PRKN: variants seen among roughly 807,000 people sequenced by gnomAD.
PRKN encodes E3 ubiquitin-protein ligase parkin.
PRKN carries 56 observed loss-of-function variants against 59.5 expected under a neutral mutation model. The ratio of observed to expected loss-of-function variants is 0.94; its 90% confidence interval spans 0.76 to 1.18. The LOEUF (loss-of-function observed/expected upper bound fraction) is 1.18, where lower values mean the gene tolerates loss of function less well. Among genes scored for constraint, PRKN ranks in the 50% most tolerant of loss-of-function variants. PRKN has a pLI of 0.00. For synonymous variants in PRKN, 250 were observed against 222.1 expected, an observed-to-expected ratio of 1.13 and a Z score of -1.12; for missense variants, 657 against 596.4, an observed-to-expected ratio of 1.10 and a Z score of -1.06.
chr6:162,110,288 A>T (rs2128301999), intron 4 of PRKN, among the ~76,000 whole-genome samples: 1 of 152,296 alleles, frequency 6.6e-6, no homozygotes, highest in African/African-American at 2.4e-5. Context: ...ATATTCTACC[A>T]TATAGTAAAA....
chr6:162,402,122 A>G (rs1048774741), intron 2 of PRKN, among the ~76,000 whole-genome samples: 2 of 151,908 alleles, frequency 1.3e-5, no homozygotes, highest in East Asian at 1.9e-4. Context: ...GGTGGCACAC[A>G]CCTGTAATTC....
chr6:162,428,755 C>A (rs1013783895), intron 2 of PRKN, among the ~76,000 whole-genome samples: 1 of 152,192 alleles, frequency 6.6e-6, no homozygotes, highest in Non-Finnish European at 1.5e-5. Context: ...AAGCCCCATG[C>A]TCCGTCCCCC....
chr6:162,218,060 C>T (rs1777770484), intron 3 of PRKN, among the ~76,000 whole-genome samples: 1 of 152,176 alleles, frequency 6.6e-6, no homozygotes, highest in South Asian at 2.1e-4. Context: ...ACAGGTCTGC[C>T]TTTCAGAGGA....
intron 7 of PRKN, among the ~76,000 whole-genome samples, chr6:161,684,388 A>G (rs987306184): frequency 2.6e-5 from 4 of 152,084 alleles, no homozygotes; most frequent in Non-Finnish European, 4.4e-5. Flanking sequence ...GCCCAATCTC[A>G]AAAAAATATT....
intron 1 of PRKN, among the ~76,000 whole-genome samples, chr6:162,491,532 T>G: frequency 6.6e-6 from 1 of 152,178 alleles, no homozygotes; most frequent in Non-Finnish European, 1.5e-5. Flanking sequence ...TGACTGCAGT[T>G]GCCGTGCCTC....
chr6:161,963,157 A>AAAACAAAC (rs113748000), intron 6 of PRKN, among the ~76,000 whole-genome samples: 1 of 151,802 alleles, frequency 6.6e-6, no homozygotes, highest in African/African-American at 2.4e-5. Flanking sequence ...TCTCAAAACA[A>AAAACAAAC]AAACAAACAA....
At chr6:161,557,076 A>G (rs138557545) in intron 8 of PRKN, among the ~76,000 whole-genome samples, 70 of 152,322 alleles carry the variant, frequency 4.6e-4, no homozygotes, top group Non-Finnish European at 8.5e-4. Context: ...AAAGAATACT[A>G]CTCTGAACCT....
chr6:161,979,813 T>G (rs1000581757), intron 5 of PRKN, among the ~76,000 whole-genome samples: 1 of 152,102 alleles, frequency 6.6e-6, no homozygotes, highest in South Asian at 2.1e-4. Context: ...CAGGAAGATG[T>G]CAACTGGACT....
intron 2 of PRKN, among the ~76,000 whole-genome samples, chr6:162,377,352 C>T (rs1445291095): frequency 6.6e-6 from 1 of 152,204 alleles, no homozygotes; most frequent in Non-Finnish European, 1.5e-5. Context: ...CTTCAGAGGA[C>T]TGGCCAAGAG....
At chr6:162,627,770 A>G (rs891930489) in intron 1 of PRKN, among the ~76,000 whole-genome samples, 2 of 152,192 alleles carry the variant, frequency 1.3e-5, no homozygotes, top group Non-Finnish European at 2.9e-5. Flanking sequence ...ATATTAACCA[A>G]TAACAATGGA....
intron 6 of PRKN, among the ~76,000 whole-genome samples, chr6:161,961,656 CT>C (rs1300676941): frequency 1.3e-5 from 2 of 152,166 alleles, no homozygotes; most frequent in African/African-American, 2.4e-5. Flanking sequence ...CCGTCGACGG[CT>C]TTCCCTGCCA....
At chr6:162,498,393 CTTTTTTTTTT>C (rs60024002) in intron 1 of PRKN, among the ~76,000 whole-genome samples, 10 of 21,582 alleles carry the variant, frequency 4.6e-4, no homozygotes, top group Admixed American at 2.2e-3. Flanking sequence ...TCTTTCTTTC[CTTTTTTTTTT>C]TTTTTTTTTT....
chr6:162,588,612 C>T (rs972678172), intron 1 of PRKN, among the ~76,000 whole-genome samples: 4 of 151,996 alleles, frequency 2.6e-5, no homozygotes, highest in East Asian at 1.9e-4. Context: ...AGTGCAGTGG[C>T]GCCATCTCGG....
At chr6:162,278,570 A>C (rs1780737549) in intron 2 of PRKN, among the ~76,000 whole-genome samples, 1 of 152,156 alleles carries the variant, frequency 6.6e-6, no homozygotes, top group Non-Finnish European at 1.5e-5. Flanking sequence ...CTTCCTCTCT[A>C]TGATGTGAAC....
chr6:162,381,020 C>T (rs1159725614), intron 2 of PRKN, among the ~76,000 whole-genome samples: 2 of 152,078 alleles, frequency 1.3e-5, no homozygotes, highest in African/African-American at 2.4e-5. Context: ...GAGCAGGATC[C>T]GCAGGCGAAC....
intron 1 of PRKN, among the ~76,000 whole-genome samples, chr6:162,611,796 A>G (rs1369556391): frequency 6.6e-6 from 1 of 152,208 alleles, no homozygotes; most frequent in Non-Finnish European, 1.5e-5. Context: ...TGTTTGTTGT[A>G]CAAGTGAAGC....
At chr6:161,688,051 G>T (rs146296246) in intron 7 of PRKN, among the ~76,000 whole-genome samples, 6 of 151,822 alleles carry the variant, frequency 4.0e-5, no homozygotes, top group Admixed American at 2.0e-4. Context: ...AACCTCCCCC[G>T]CAATTCTCAA....
chr6:161,935,918 G>T (rs1779340131), intron 6 of PRKN, among the ~76,000 whole-genome samples: 1 of 152,176 alleles, frequency 6.6e-6, no homozygotes, highest in South Asian at 2.1e-4. Context: ...TTCTCAGTTG[G>T]TGTAATTTAC....
intron 1 of PRKN, among the ~76,000 whole-genome samples, chr6:162,623,508 A>G (rs759614963): frequency 2.0e-5 from 3 of 152,216 alleles, no homozygotes; most frequent in African/African-American, 4.8e-5. Flanking sequence ...AGTATATTAA[A>G]ATAAAATAAG....
Sources: gnomAD v4.1 joint callset for allele counts (sites outside exome capture counted in the v4.1 genomes callset) on GRCh38, gnomAD v4.1.1 for gene constraint, MANE v1.5 for transcripts, NCBI Gene and HGNC (gene_info 2026-07-23, HGNC 2026-07-21) for gene names.